KCNN2: variants seen among roughly 807,000 people sequenced by gnomAD.
KCNN2 encodes the protein potassium calcium-activated channel subfamily N member 2, also known as small conductance calcium-activated potassium channel protein 2.
KCNN2 carries 24 observed loss-of-function variants against 55.5 expected under a neutral mutation model. That is an observed-to-expected ratio of 0.43 (90% CI 0.31 to 0.61). KCNN2 has a LOEUF of 0.61. Ranked by LOEUF, KCNN2 falls within the 20% of genes least tolerant of loss-of-function variation. The pLI, the probability that KCNN2 is intolerant of heterozygous loss-of-function variation, is 0.08. For missense variants in KCNN2, 754 were observed against 853.6 expected (o/e 0.88, Z 1.45); for synonymous variants, 431 against 336.1 (o/e 1.28, Z -3.09).
At chr5:114,201,966 GC>G (rs989785100) in intron 1 of KCNN2, among the ~76,000 whole-genome samples, 1 of 152,106 alleles carries the variant, frequency 6.6e-6, no homozygotes, top group Non-Finnish European at 1.5e-5. Context: ...TCCCTCCCAG[GC>G]AAGCAGCATG....
At chr5:114,447,621 C>G (rs1760470320) in intron 3 of KCNN2, among the ~76,000 whole-genome samples, 1 of 152,198 alleles carries the variant, frequency 6.6e-6, no homozygotes, top group South Asian at 2.1e-4. Flanking sequence ...AGGCTATTCT[C>G]TCTCCAAGCT....
At chr5:114,410,768 T>G (rs1348252786) in intron 3 of KCNN2, among the ~76,000 whole-genome samples, 1 of 152,014 alleles carries the variant, frequency 6.6e-6, no homozygotes, top group Admixed American at 6.6e-5. Context: ...AAATTGGAGA[T>G]TCCAGGTAAT....
intron 2 of KCNN2, among the ~76,000 whole-genome samples, chr5:114,286,976 G>T (rs995082869): frequency 1.3e-5 from 2 of 152,118 alleles, no homozygotes; most frequent in African/African-American, 4.8e-5. Context: ...CCAATGTAAA[G>T]AAAAACATGA....
chr5:114,378,529 A>C (rs529887686), intron 2 of KCNN2, among the ~76,000 whole-genome samples: 4 of 152,190 alleles, frequency 2.6e-5, no homozygotes, highest in Admixed American at 1.3e-4. Context: ...GCTTTCTGCT[A>C]TGGCCCCTAT....
intron 2 of KCNN2, among the ~76,000 whole-genome samples, chr5:114,284,653 A>T (rs117775122): frequency 1.3e-5 from 2 of 152,044 alleles, no homozygotes; most frequent in East Asian, 3.9e-4. Context: ...CAGTAGCTGG[A>T]ATTAAAGGAA....
At chr5:114,486,969 G>GA (rs2150137258) in intron 5 of KCNN2, 81 bp from the exon 6 acceptor site, 1 of 1,497,116 alleles carries the variant, frequency 6.7e-7, no homozygotes, top group East Asian at 2.3e-5. Flanking sequence ...TGATCCTTGG[G>GA]ATGAAGACTA....
intron 1 of KCNN2, among the ~76,000 whole-genome samples, chr5:114,102,180 A>G (rs536337712): frequency 6.6e-6 from 1 of 152,202 alleles, no homozygotes; most frequent in East Asian, 1.9e-4. Flanking sequence ...TCTCTAATGA[A>G]CAGTGATGAT....
intron 2 of KCNN2, among the ~76,000 whole-genome samples, chr5:114,256,911 G>A (rs1361606919): frequency 6.6e-6 from 1 of 152,110 alleles, no homozygotes; most frequent in Admixed American, 6.6e-5. Flanking sequence ...ATTTGCTTTA[G>A]AAGTCTTAAT....
At chr5:114,318,692 T>C (rs996163859) in intron 2 of KCNN2, among the ~76,000 whole-genome samples, 1 of 151,978 alleles carries the variant, frequency 6.6e-6, no homozygotes, top group African/African-American at 2.4e-5. Flanking sequence ...AATTACATTC[T>C]TTCTGTAATC....
chr5:114,083,094 A>T (rs1451523704), intron 1 of KCNN2, among the ~76,000 whole-genome samples: 1 of 152,104 alleles, frequency 6.6e-6, no homozygotes, highest in Non-Finnish European at 1.5e-5. Context: ...ATATAAATCT[A>T]AAAAAATATT....
upstream of KCNN2, among the ~76,000 whole-genome samples, chr5:114,359,612 C>A (rs1467249890): frequency 6.6e-6 from 1 of 152,138 alleles, no homozygotes; most frequent in East Asian, 1.9e-4. Context: ...ATGCTGGCAA[C>A]AACTATTATG....
chr5:114,206,984 A>G (rs889710921), intron 1 of KCNN2, among the ~76,000 whole-genome samples: 14 of 151,912 alleles, frequency 9.2e-5, no homozygotes. Context: ...AGAATTCCCT[A>G]TTCTGTGCCC....
chr5:114,447,260 GAA>G (rs1166072455), intron 3 of KCNN2, among the ~76,000 whole-genome samples: 2 of 152,214 alleles, frequency 1.3e-5, no homozygotes, highest in East Asian at 3.9e-4. Flanking sequence ...GAATGGAGGA[GAA>G]AGCTGGTTTT....
rs79916688 is a variant in KCNN2 at position 114,114,508 on chromosome 5, G to C, written c.-271+58008G>C. 6.6e-3 allele frequency among the ~76,000 whole-genome samples: 999 copies of C among 152,210 alleles called. 16 individuals carry two copies. The highest frequency in any genetic ancestry group is 0.023 in the African/African-American group (976 of 41,562). On this transcript the variant is annotated intron_variant, in intron 1 of 10. Coordinates refer to the KCNN2 transcript ENST00000512097. ...CCCACCTTAGCTTCCCAAAGTGCTG[G>C]AGTTATAGGCGTAAGCTTTTCCAGT...
chr5:114,276,465 G>T (rs1219930281), intron 2 of KCNN2, among the ~76,000 whole-genome samples: 2 of 151,982 alleles, frequency 1.3e-5, no homozygotes, highest in Middle Eastern at 6.8e-3. Context: ...TGGGAGTCTG[G>T]GTCTCTTTTT....
intron 2 of KCNN2, among the ~76,000 whole-genome samples, chr5:114,347,581 T>G (rs2150038938): frequency 6.6e-6 from 1 of 152,356 alleles, no homozygotes; most frequent in Admixed American, 6.5e-5. Flanking sequence ...ATTTCAGTGG[T>G]TTGGTATATT....
chr5:114,070,069 A>G (rs1345388765), intron 1 of KCNN2, among the ~76,000 whole-genome samples: 1 of 152,202 alleles, frequency 6.6e-6, no homozygotes, highest in Non-Finnish European at 1.5e-5. Context: ...GTTACTGCTG[A>G]AATGTGTGGA....
intron 2 of KCNN2, among the ~76,000 whole-genome samples, chr5:114,254,894 A>G (rs926506905): frequency 6.6e-6 from 1 of 152,166 alleles, no homozygotes; most frequent in Admixed American, 6.5e-5. Flanking sequence ...ACATAATTAC[A>G]TTGAATGATC....
At chr5:114,106,503 G>A (rs1292139557) in intron 1 of KCNN2, among the ~76,000 whole-genome samples, 1 of 151,522 alleles carries the variant, frequency 6.6e-6, no homozygotes, top group Admixed American at 6.6e-5. Flanking sequence ...AGTTATAGTT[G>A]CTCCGCATTC....
Sources: allele counts gnomAD v4.1 joint callset (sites outside exome capture counted in the v4.1 genomes callset), GRCh38; gene constraint gnomAD v4.1.1; transcripts MANE v1.5; gene names NCBI Gene and HGNC (gene_info 2026-07-23, HGNC 2026-07-21).